The following QTGAL variants were observed in gnomAD, a reference collection of about 807,000 sequenced individuals.
The protein encoded by QTGAL is queuosine-tRNA galactosyltransferase.
At chr17:82,973,365 T>C in the QTGAL span, among the ~76,000 whole-genome samples, 1 of 152,224 alleles carries the variant, frequency 6.6e-6, no homozygotes, top group African/African-American at 2.4e-5. Context: ...CACTGAGCTA[T>C]GAAGGACAAA....
the QTGAL span, among the ~76,000 whole-genome samples, chr17:82,999,423 C>G: frequency 6.6e-6 from 1 of 152,302 alleles, no homozygotes; most frequent in East Asian, 1.9e-4. Flanking sequence ...ACAGCTGACC[C>G]CTGAACAATG....
the QTGAL span, among the ~76,000 whole-genome samples, chr17:83,012,376 A>G: frequency 2.6e-5 from 4 of 152,260 alleles, no homozygotes; most frequent in African/African-American, 7.2e-5. Flanking sequence ...CTTGTTTTTC[A>G]GTATGGAAAT....
the QTGAL span, among the ~76,000 whole-genome samples, chr17:83,024,823 C>T: frequency 6.6e-6 from 1 of 152,242 alleles, no homozygotes; most frequent in Non-Finnish European, 1.5e-5. Flanking sequence ...AACGCTGTGG[C>T]CACGGGGCCT....
chr17:82,965,549 G>A, the QTGAL span: 94 of 1,190,732 alleles, frequency 7.9e-5, no homozygotes, highest in Middle Eastern at 3.0e-3. Context: ...GCAGAGCCCC[G>A]GAGGCATGGC....
the QTGAL span, chr17:82,942,282 T>C: frequency 1.1e-6 from 1 of 913,496 alleles, no homozygotes; most frequent in Non-Finnish European, 1.7e-6. Context: ...CATGAGCACC[T>C]GTCAGCCACA....
chr17:83,045,873 G>A, the QTGAL span, among the ~76,000 whole-genome samples: 2 of 151,228 alleles, frequency 1.3e-5, no homozygotes, highest in Non-Finnish European at 1.5e-5. Flanking sequence ...GGAGTCCAAT[G>A]GTACGATCTC....
chr17:83,034,026 C>T, the QTGAL span, among the ~76,000 whole-genome samples: 5 of 151,952 alleles, frequency 3.3e-5, no homozygotes, highest in African/African-American at 9.7e-5. Flanking sequence ...CTGCAACCTC[C>T]GCCTCCTGGG....
At chr17:82,986,528 A>C in the QTGAL span, among the ~76,000 whole-genome samples, 4 of 152,240 alleles carry the variant, frequency 2.6e-5, no homozygotes, top group Non-Finnish European at 4.4e-5. Context: ...GTAAAAAGTA[A>C]ATCTAAATGG....
chr17:82,951,499 A>G, the QTGAL span, among the ~76,000 whole-genome samples: 1 of 152,178 alleles, frequency 6.6e-6, no homozygotes, highest in African/African-American at 2.4e-5. Context: ...TCAGACCACT[A>G]ACACTTTCTC....
At chr17:82,942,560 G>A in the QTGAL span, 1 of 1,554,046 alleles carries the variant, frequency 6.4e-7, no homozygotes, top group Non-Finnish European at 8.9e-7. Flanking sequence ...GGTGCCTCCA[G>A]CTGTTGAAGG....
the QTGAL span, among the ~76,000 whole-genome samples, chr17:82,977,499 A>C: frequency 0.033 from 5,004 of 152,054 alleles, 285 homozygotes; most frequent in African/African-American, 0.11. Flanking sequence ...ACAAAAAAAA[A>C]CTTTTCTTTG....
chr17:83,033,076 C>T, the QTGAL span, among the ~76,000 whole-genome samples: 1 of 152,200 alleles, frequency 6.6e-6, no homozygotes, highest in African/African-American at 2.4e-5. Flanking sequence ...ACAGAAGCCC[C>T]GGAACCTGGC....
the QTGAL span, chr17:82,947,314 A>C: frequency 3.2e-6 from 1 of 317,290 alleles, no homozygotes; most frequent in East Asian, 5.6e-5. Context: ...ACCAGGGCAG[A>C]CCCACCTTCC....
the QTGAL span, chr17:83,006,696 C>T: frequency 1.0e-6 from 1 of 985,498 alleles, no homozygotes; most frequent in Non-Finnish European, 1.2e-6. This position sits in a 1 kb window ranked among gnomAD's most constrained non-coding sequence, Gnocchi z 5.8. Context: ...AGGAGGCGGC[C>T]TTCTGTGCCC....
the QTGAL span, among the ~76,000 whole-genome samples, chr17:82,992,494 TAA>T: frequency 6.6e-6 from 1 of 152,272 alleles, no homozygotes; most frequent in East Asian, 1.9e-4. Flanking sequence ...GAAGGAGAGA[TAA>T]AGACTTTCCC....
At chr17:83,027,903 C>T in the QTGAL span, among the ~76,000 whole-genome samples, 1 of 150,964 alleles carries the variant, frequency 6.6e-6, no homozygotes, top group Non-Finnish European at 1.5e-5. Context: ...CACCTGAGCT[C>T]AGGAGTTCAA....
the QTGAL span, among the ~76,000 whole-genome samples, chr17:83,001,550 G>A: frequency 1.7e-5 from 2 of 116,758 alleles, no homozygotes; most frequent in African/African-American, 6.6e-5. Flanking sequence ...CTCCATTTAC[G>A]TAAAATTCCA....
the QTGAL span, chr17:83,048,720 T>C: frequency 1.4e-4 from 220 of 1,614,060 alleles, no homozygotes; most frequent in Non-Finnish European, 1.8e-4. Flanking sequence ...CAAAGTCCTG[T>C]TGCAAAACAG....
At chr17:82,987,720 G>T in the QTGAL span, among the ~76,000 whole-genome samples, 1 of 152,256 alleles carries the variant, frequency 6.6e-6, no homozygotes, top group East Asian at 1.9e-4. Context: ...CTCCAGCTTT[G>T]TTCTTTTTGC....
Sources: allele counts gnomAD v4.1 joint callset (sites outside exome capture counted in the v4.1 genomes callset), GRCh38; gene constraint gnomAD v4.1.1; non-coding constraint Gnocchi (gnomAD v3.1); transcripts MANE v1.5; gene names NCBI Gene and HGNC (gene_info 2026-07-23, HGNC 2026-07-21).